The following RPA2 variants were observed in gnomAD, a reference collection of about 807,000 sequenced individuals.
RPA2 encodes replication protein A2, also known as replication protein A 32 kDa subunit.
In RPA2, 22 loss-of-function variants were observed where a neutral mutation model predicts 33.4. That is an observed-to-expected ratio of 0.66 (90% confidence interval 0.47 to 0.94). The LOEUF is 0.94. RPA2 is among the 40% of genes least tolerant of loss of function. The probability of loss-of-function intolerance (pLI) is 0.00; values close to 1 mark genes in which losing one functional copy is unlikely to be tolerated. For missense variants in RPA2, 279 were observed against 329.9 expected (o/e 0.85, Z 1.19); for synonymous variants, 109 against 114.9 (o/e 0.95, Z 0.33).
At chr1:27,903,307 AAAG>A (rs67084812) in intron 4 of RPA2, among the ~76,000 whole-genome samples, 66,320 of 151,858 alleles carry the variant, frequency 0.44, 15,085 homozygotes, top group African/African-American at 0.58. Context: ...AAACGACTGA[AAAG>A]AAGTTAAATG....
At chr1:27,895,009 G>A (rs184595263) in intron 6 of RPA2, among the ~76,000 whole-genome samples, 5 of 152,274 alleles carry the variant, frequency 3.3e-5, no homozygotes, top group Non-Finnish European at 7.3e-5. Context: ...CCTCTCGGAA[G>A]CAGACACTGC....
intron 6 of RPA2, 28 bp from the exon 7 acceptor site, chr1:27,894,425 T>G: frequency 1.3e-6 from 2 of 1,582,628 alleles, no homozygotes; most frequent in Non-Finnish European, 1.7e-6. Flanking sequence ...TTAGCAATAT[T>G]AGAAAATCCA....
intron 2 of RPA2, among the ~76,000 whole-genome samples, chr1:27,910,850 C>T (rs1421666355): frequency 1.3e-5 from 2 of 151,946 alleles, no homozygotes; most frequent in Non-Finnish European, 2.9e-5. Context: ...GAAAGTGAGA[C>T]GGTCTCAATT....
chr1:27,898,526 AG>A (rs968874920), intron 4 of RPA2, among the ~76,000 whole-genome samples: 3 of 150,978 alleles, frequency 2.0e-5, no homozygotes, highest in African/African-American at 7.3e-5. Flanking sequence ...ATTATTTATA[AG>A]AAAAATACAT....
chr1:27,909,274 G>A (rs1054277354), intron 2 of RPA2, among the ~76,000 whole-genome samples: 5 of 152,136 alleles, frequency 3.3e-5, no homozygotes, highest in Admixed American at 2.0e-4. Flanking sequence ...GAACATCCAC[G>A]ACACTGCCAA....
intron 4 of RPA2, among the ~76,000 whole-genome samples, chr1:27,906,378 CCAAACAAA>C (rs778145266): frequency 6.6e-6 from 1 of 150,438 alleles, no homozygotes; most frequent in Admixed American, 6.7e-5. Flanking sequence ...AAAAAAAAAA[CCAAACAAA>C]CAAACAAACA....
At position 27,897,012 on chromosome 1, in the gene RPA2, T is replaced by C; in HGVS notation, c.518A>G (p.Asn173Ser). Residue 173 changes from asparagine (N) to serine (S), a missense_variant, in exon 6 of 9, where the codon AAC becomes AGC. Asn to Ser is a conservative substitution (Grantham distance 46). This residue lies in a region of RPA2 where 274 missense variants were observed against 310.3 expected (regional missense o/e 0.88). Coordinates refer to ENST00000373912, the MANE Select transcript of RPA2 (RefSeq NM_002946.5). ...INAHMVLSKANSQPSAGRAPI... is the reference protein window; with the variant it reads ...INAHMVLSKASSQPSAGRAPI... ...GAAAGCGAGACTACTCACCTGGCTG[T>C]TGGCTTTGCTTAGTACCATGTGTGC... The C allele has an allele frequency of 6.2e-7, 1 of 1,606,188 alleles. No homozygotes were observed. Among genetic ancestry groups the C allele is most frequent in the Non-Finnish European group, 8.5e-7 (1 of 1,176,716 alleles).
intron 2 of RPA2, among the ~76,000 whole-genome samples, chr1:27,910,634 T>A (rs1174744586): frequency 2.6e-5 from 4 of 152,254 alleles, no homozygotes. Flanking sequence ...ATTGGGTCGC[T>A]ATTTGAAACT....
At chr1:27,900,915 C>T (rs1283539806) in intron 4 of RPA2, among the ~76,000 whole-genome samples, 1 of 152,080 alleles carries the variant, frequency 6.6e-6, no homozygotes, top group Admixed American at 6.6e-5. Context: ...TCTATCTGGC[C>T]GCCTGGGCCT....
chr1:27,900,365 G>A (rs1221194301), intron 4 of RPA2, among the ~76,000 whole-genome samples: 1 of 152,054 alleles, frequency 6.6e-6, no homozygotes, highest in East Asian at 1.9e-4. Flanking sequence ...ACCTGCCTCA[G>A]TCTCCCAAAG....
intron 2 of RPA2, among the ~76,000 whole-genome samples, chr1:27,909,796 AATG>A (rs2090075668): frequency 2.0e-5 from 3 of 152,162 alleles, no homozygotes; most frequent in Non-Finnish European, 2.9e-5. Flanking sequence ...CAAAACTAGG[AATG>A]ATATTATAAA....
chr1:27,912,626 CTCA>C (rs1264387367), intron 2 of RPA2, among the ~76,000 whole-genome samples: 2 of 152,122 alleles, frequency 1.3e-5, no homozygotes, highest in Non-Finnish European at 2.9e-5. Flanking sequence ...CATTGCCTTA[CTCA>C]TCAATTCTCA....
intron 8 of RPA2, 129 bp from the exon 9 acceptor site, chr1:27,892,376 G>C: frequency 1.4e-6 from 1 of 693,128 alleles, no homozygotes. Flanking sequence ...GAATTCACAA[G>C]TATTCTGCAC....
At chr1:27,904,726 G>A (rs7536686) in intron 4 of RPA2, among the ~76,000 whole-genome samples, 4,280 of 151,804 alleles carry the variant, frequency 0.028, 220 homozygotes, top group African/African-American at 0.098. Flanking sequence ...GTGCAGTGGC[G>A]CAATCTTGGC....
rs1310499611 is a variant in RPA2, at chr1:27,891,548, C to T, written c.*615G>A. 1 of 152,196 alleles carries T rather than the reference C, an allele frequency of 6.6e-6. No homozygotes were observed. The highest frequency in any genetic ancestry group is 1.5e-5 in the Non-Finnish European group (1 of 68,028). The allele number at this position is 152,196 out of a possible 1,614,324, so 9.4% of individuals were successfully genotyped here. On this transcript the variant is annotated 3_prime_UTR_variant, in exon 9 of 9. Transcript: ENST00000373912. ...ATTTTTACAAGTTACTACAATAGAA[C>T]TGTTTTATTAAACATATGACTGTAT...
intron 4 of RPA2, among the ~76,000 whole-genome samples, 188 bp downstream of exon 4, chr1:27,906,740 C>T (rs997219080): frequency 1.3e-5 from 2 of 152,108 alleles, no homozygotes; most frequent in African/African-American, 4.8e-5. Flanking sequence ...TGTCATTTGA[C>T]TTTTAATTCT....
rs1405547828 is a variant in RPA2 at position 27,891,630 on chromosome 1, A to G, written c.*533T>C. The G allele has an allele frequency of 6.5e-6, 1 of 152,796 alleles. No homozygotes were observed. The highest frequency in any genetic ancestry group is 1.5e-5 in the Non-Finnish European group (1 of 68,394). 9.5% of individuals were successfully genotyped at this position (152,796 alleles called of 1,614,324 possible). A position where few individuals can be genotyped will look rare whatever the true frequency, so the allele number is the denominator to read the frequency against. The stretch of plus-strand genomic sequence containing the variant: ...CTTTTCCTCTGCCCCTGGAGGCACT[A>G]CCGCAGAACTTCATGTTCACAGAAA... On this transcript the variant is annotated 3_prime_UTR_variant, in exon 9 of 9. Transcript: ENST00000373912.
chr1:27,909,487 C>T (rs561782622), intron 2 of RPA2, among the ~76,000 whole-genome samples: 1 of 152,142 alleles, frequency 6.6e-6, no homozygotes, highest in South Asian at 2.1e-4. Flanking sequence ...GCGGGCAGAT[C>T]ATTTGAGGTC....
chr1:27,893,254 T>C (rs1350503344), intron 8 of RPA2, among the ~76,000 whole-genome samples: 1 of 152,162 alleles, frequency 6.6e-6, no homozygotes, highest in East Asian at 1.9e-4. Flanking sequence ...CCCATAGTCT[T>C]TTTCCTATTT....
Sources: allele counts gnomAD v4.1 joint callset (sites outside exome capture counted in the v4.1 genomes callset), GRCh38; gene constraint gnomAD v4.1.1; regional missense constraint gnomAD v4.1.1; transcripts MANE v1.5; gene names NCBI Gene and HGNC (gene_info 2026-07-23, HGNC 2026-07-21).